The following TTC13 variants were observed in gnomAD, a reference collection of about 807,000 sequenced individuals.
The protein encoded by TTC13 is tetratricopeptide repeat protein 13.
TTC13 carries 62 observed loss-of-function variants against 120.0 expected under a neutral mutation model. The ratio of observed to expected loss-of-function variants is 0.52; its 90% confidence interval spans 0.42 to 0.64. The LOEUF is 0.64. Among genes scored for constraint, TTC13 ranks in the 30% least tolerant of loss-of-function variants. The probability of loss-of-function intolerance (pLI) is 0.00; values close to 1 mark genes in which losing one functional copy is unlikely to be tolerated. For synonymous variants in TTC13, 384 were observed against 393.5 expected, an observed-to-expected ratio of 0.98 and a Z score of 0.28; for missense variants, 824 against 1,050.2, an observed-to-expected ratio of 0.78 and a Z score of 2.98.
chr1:230,907,985 G>A (rs375914320), intron 22 of TTC13, among the ~76,000 whole-genome samples: 21 of 10,212 alleles, frequency 2.1e-3, no homozygotes, highest in Middle Eastern at 0.045. Flanking sequence ...CACAGTGTCC[G>A]TCAGGGATAA....
At chr1:230,935,163 T>G (rs1673926181) in intron 8 of TTC13, among the ~76,000 whole-genome samples, 1 of 152,244 alleles carries the variant, frequency 6.6e-6, no homozygotes. Flanking sequence ...CTTGCCATGG[T>G]GTAACCTTGA....
At chr1:230,957,461 A>G (rs1676201442) in intron 3 of TTC13, among the ~76,000 whole-genome samples, 1 of 152,210 alleles carries the variant, frequency 6.6e-6, no homozygotes, top group African/African-American at 2.4e-5. Flanking sequence ...CAATATAAGG[A>G]GCACTTAGTC....
In TTC13 at chr1:230,959,555, T is replaced by C. The variant is rs375587366; in HGVS notation, c.367-1256A>G. ...CGCCACCACCCCTGCTAATTTTGTA[T>C]TTTTTAGTAGAGACGGGGTTTCTCC... On this transcript the variant is annotated intron_variant, in intron 2 of 22. Transcript: ENST00000366661. Among the ~76,000 whole-genome samples the C allele has an allele frequency of 1.5e-4, 23 of 152,222 alleles. No homozygotes were observed. In the East Asian group the frequency reaches 2.1e-3, roughly 14 times the overall value.
chr1:230,977,765 C>A (rs1678481650), intron 1 of TTC13, among the ~76,000 whole-genome samples: 1 of 151,476 alleles, frequency 6.6e-6, no homozygotes, highest in African/African-American at 2.4e-5. Context: ...GGTAAAAAGA[C>A]CCACGACAGA....
chr1:230,938,170 C>T (rs919920441), intron 8 of TTC13, among the ~76,000 whole-genome samples: 1 of 152,226 alleles, frequency 6.6e-6, no homozygotes, highest in African/African-American at 2.4e-5. Flanking sequence ...TTCTTCACAG[C>T]CTTCAAAGTT....
chr1:230,945,980 A>T (rs1166493229), intron 4 of TTC13, among the ~76,000 whole-genome samples: 2 of 152,166 alleles, frequency 1.3e-5, no homozygotes, highest in Non-Finnish European at 2.9e-5. Flanking sequence ...CTTCATACTA[A>T]TGGGTTGAAA....
At position 230,954,317 on chromosome 1, in the gene TTC13, TAAG is replaced by T. The variant is rs778664353; in HGVS notation, c.513+13_513+15del. ...GACCATAAACTCAAAATTACATAAATAAGAAGAAAATTTACCTGAAGCATTGTT... is the reference window on the plus strand; with the variant it reads ...GACCATAAACTCAAAATTACATAAATAAGAAAATTTACCTGAAGCATTGTT... On this transcript the variant is annotated intron_variant, in intron 4 of 22. Transcript: ENST00000366661. 55 of 1,601,120 alleles carry T rather than the reference TAAG, an allele frequency of 3.4e-5. No individual in the cohort carries two copies. The highest frequency in any genetic ancestry group is 4.5e-5 in the Non-Finnish European group (53 of 1,170,178).
intron 4 of TTC13, among the ~76,000 whole-genome samples, chr1:230,949,684 C>T (rs908083680): frequency 3.3e-5 from 5 of 151,916 alleles, no homozygotes; most frequent in African/African-American, 9.7e-5. Flanking sequence ...GTCTCGCTGT[C>T]GCCCAGGCTG....
Position 230,940,590 on chromosome 1 carries a change from C to T in TTC13, c.673-34G>A. The T allele has an allele frequency of 2.2e-6, 3 of 1,377,470 alleles. No individual in the cohort carries two copies. The allele number at this position is 1,377,470 out of a possible 1,614,324, so 85.3% of individuals were successfully genotyped here. ...CCCAAACATGTAATCAGGAAGAATA[C>T]CAATGACCAACCCTAAAATCCCAAT... On this transcript the variant is annotated intron_variant, in intron 6 of 22. Coordinates refer to ENST00000366661, the MANE Select transcript of TTC13 (RefSeq NM_024525.5). This position sits in a 1 kb window ranked among gnomAD's most constrained non-coding sequence, Gnocchi z 4.1.
chr1:230,955,029 T>C (rs1013019335), intron 3 of TTC13, among the ~76,000 whole-genome samples: 2 of 152,206 alleles, frequency 1.3e-5, no homozygotes, highest in Non-Finnish European at 2.9e-5. Flanking sequence ...TCACGTTGTT[T>C]AGGAAAGTGG....
Position 230,954,355 on chromosome 1 carries a change from C to A in TTC13, c.491G>T (p.Arg164Leu), listed in dbSNP as rs188427997. Residue 164 changes from arginine (R) to leucine (L), a missense_variant, in exon 4 of 23, where the codon CGG (arginine) becomes CTG (leucine). By Grantham distance (102) the Arg-to-Leu change is moderately radical. This residue lies in a region of TTC13 where 430 missense variants were observed against 626.8 expected (regional missense o/e 0.69). Coordinates refer to ENST00000366661, the MANE Select transcript of TTC13 (RefSeq NM_024525.5). ...IGSGLYDEAI[R>L]HFSTMLQEEP... ...TACCTGAAGCATTGTTGAAAAATGC[C>A]GTATTGCTTCATCATACAGACCACT... 4 of 1,610,756 alleles carry A rather than the reference C, an allele frequency of 2.5e-6. No homozygotes were observed. The Admixed American group carries it at 5.0e-5, about 20-fold the overall frequency.
chr1:230,968,224 AAC>A (rs1191885970), intron 1 of TTC13, among the ~76,000 whole-genome samples: 5 of 151,600 alleles, frequency 3.3e-5, no homozygotes, highest in African/African-American at 1.2e-4. Context: ...TTAAAAAAAA[AAC>A]ACACATCACA....
At chr1:230,925,979 C>G (rs1211873601) in intron 12 of TTC13, among the ~76,000 whole-genome samples, 1 of 152,160 alleles carries the variant, frequency 6.6e-6, no homozygotes, top group African/African-American at 2.4e-5. Flanking sequence ...CAACAAGCAA[C>G]CAAACCTCTG....
rs1411342986 is a variant in TTC13 at position 230,978,835 on chromosome 1, C to A, written c.-5G>T. 2 of 1,469,124 alleles carry A rather than the reference C, an allele frequency of 1.4e-6. No homozygotes were observed. Among genetic ancestry groups the A allele is most frequent in the Admixed American group, 2.5e-5 (1 of 39,384 alleles). The allele number at this position is 1,469,124 out of a possible 1,614,324, so 91.0% of individuals were successfully genotyped here. On this transcript the variant is annotated 5_prime_UTR_variant, in exon 1 of 23. An upstream open reading frame in the 5' UTR gains an earlier in-frame stop. Transcript: ENST00000366661. The surrounding 1 kb of genome is among the most constrained non-coding windows in gnomAD (Gnocchi z 5.6). The stretch of plus-strand genomic sequence containing the variant: ...GCAGCAGCCGGCAGGTGCCATCTTC[C>A]CTCAAGGCGCATGCGCGACAGCCCT...
chr1:230,948,711 A>C (rs1429915782), intron 4 of TTC13, among the ~76,000 whole-genome samples: 2 of 152,014 alleles, frequency 1.3e-5, no homozygotes, highest in African/African-American at 4.8e-5. Flanking sequence ...GCTGGTCTCA[A>C]GCTCCTGGGT....
chr1:230,964,491 T>C (rs1676943886), intron 1 of TTC13, among the ~76,000 whole-genome samples: 1 of 152,220 alleles, frequency 6.6e-6, no homozygotes, highest in Non-Finnish European at 1.5e-5. Context: ...TTTGGTTTAT[T>C]GGCCATTTGT....
chr1:230,972,051 C>T (rs1270337000), intron 1 of TTC13, among the ~76,000 whole-genome samples: 4 of 152,200 alleles, frequency 2.6e-5, no homozygotes, highest in Admixed American at 2.6e-4. Context: ...TTGCAAACAC[C>T]AGCAGGGAAG....
At chr1:230,933,241 G>A (rs1673727831) in intron 9 of TTC13, among the ~76,000 whole-genome samples, 1 of 151,624 alleles carries the variant, frequency 6.6e-6, no homozygotes, top group African/African-American at 2.4e-5. Context: ...CCAAAGTGCT[G>A]GGATTACAGG....
chr1:230,936,284 G>A (rs1481922583), intron 8 of TTC13: 2 of 454,426 alleles, frequency 4.4e-6, no homozygotes, highest in Admixed American at 4.8e-5. Flanking sequence ...AGGGGACATA[G>A]TAGAATCAAG....
Sources: allele counts gnomAD v4.1 joint callset (sites outside exome capture counted in the v4.1 genomes callset), GRCh38; gene constraint gnomAD v4.1.1; regional missense constraint gnomAD v4.1.1; non-coding constraint Gnocchi (gnomAD v3.1); transcripts MANE v1.5; gene names NCBI Gene and HGNC (gene_info 2026-07-23, HGNC 2026-07-21).